Variants in ADCK1 observed in about 807,000 individuals in gnomAD.
ADCK1 encodes aarF domain containing kinase 1, also known as aarF domain-containing protein kinase 1.
ADCK1 carries 41 observed loss-of-function variants against 52.3 expected under a neutral mutation model. The observed-to-expected ratio is 0.78, with a 90% confidence interval of 0.61 to 1.02. The LOEUF (loss-of-function observed/expected upper bound fraction) is 1.02, where lower values mean the gene tolerates loss of function less well. ADCK1 is among the 50% of genes least tolerant of loss of function. The pLI, the probability that ADCK1 is intolerant of heterozygous loss-of-function variation, is 0.00. For missense variants in ADCK1, 658 were observed against 679.5 expected (o/e 0.97, Z 0.35); for synonymous variants, 250 against 274.6 (o/e 0.91, Z 0.89).
At chr14:77,853,134 T>C (rs1179939615) in intron 3 of ADCK1, among the ~76,000 whole-genome samples, 3 of 151,146 alleles carry the variant, frequency 2.0e-5, no homozygotes, top group Non-Finnish European at 4.4e-5. Context: ...ACATTTTTCA[T>C]CTCTAAAAGT....
chr14:77,827,189 T>A, intron 3 of ADCK1, among the ~76,000 whole-genome samples: 2 of 140,028 alleles, frequency 1.4e-5, no homozygotes, highest in African/African-American at 6.0e-5. Context: ...CTGTCTCTAC[T>A]AAAAATACAA....
chr14:77,845,475 T>A (rs2082156016), intron 3 of ADCK1, among the ~76,000 whole-genome samples: 1 of 152,096 alleles, frequency 6.6e-6, no homozygotes, highest in Non-Finnish European at 1.5e-5. Flanking sequence ...TAGGCTGGAG[T>A]GCAGTGGCAC....
intron 5 of ADCK1, among the ~76,000 whole-genome samples, chr14:77,890,799 G>A (rs79898587): frequency 0.075 from 11,383 of 152,198 alleles, 543 homozygotes; most frequent in South Asian, 0.16. Flanking sequence ...ACTGTTTTCA[G>A]ATATTTAGCT....
chr14:77,911,226 C>G (rs959153663), intron 7 of ADCK1, among the ~76,000 whole-genome samples: 1 of 152,210 alleles, frequency 6.6e-6, no homozygotes, highest in African/African-American at 2.4e-5. Flanking sequence ...ACACAGCTAG[C>G]AGGGGTAGAA....
rs1366973404 is a variant in ADCK1, at chr14:77,933,539, T to C, written c.*148T>C. On this transcript the variant is annotated 3_prime_UTR_variant, in exon 11 of 11. Transcript: ENST00000238561. The stretch of plus-strand genomic sequence containing the variant: ...TCACCATCCTTCTCCTCCTTTGGAA[T>C]CCTCTCCGCACACTGTGGCCCTTGT... 7 of 937,314 alleles carry C rather than the reference T, an allele frequency of 7.5e-6. No homozygotes were observed. Among genetic ancestry groups the C allele is most frequent in the African/African-American group, 1.6e-5 (1 of 61,182 alleles). 58.1% of individuals were successfully genotyped at this position (937,314 alleles called of 1,614,324 possible).
At position 77,836,173 on chromosome 14, in the gene ADCK1, C is replaced by T. The variant is rs1379540070; in HGVS notation, c.219+13655C>T. ...CCCACAATCCCCACCCTTTCATGGG[C>T]TCTCTGACTCTTCTACCTTCCATTA... On this transcript the variant is annotated intron_variant, in intron 3 of 10. Transcript: ENST00000238561. Among the ~76,000 whole-genome samples the T allele has an allele frequency of 2.0e-5, 3 of 152,208 alleles. No homozygotes were observed. In the East Asian group the frequency reaches 5.8e-4, roughly 29 times the overall value.
At chr14:77,895,893 G>A (rs1023825754) in intron 5 of ADCK1, among the ~76,000 whole-genome samples, 6 of 152,062 alleles carry the variant, frequency 3.9e-5, no homozygotes, top group African/African-American at 1.4e-4. Context: ...CTCCTATAAA[G>A]GGGATGGTGA....
intron 4 of ADCK1, among the ~76,000 whole-genome samples, chr14:77,862,501 C>T (rs1051786047): frequency 5.3e-5 from 8 of 152,298 alleles, no homozygotes; most frequent in East Asian, 1.9e-4. Flanking sequence ...GGGCATGGTT[C>T]GTGCTGTTGA....
At chr14:77,805,824 C>T (rs1002135762) in intron 1 of ADCK1, among the ~76,000 whole-genome samples, 1 of 151,940 alleles carries the variant, frequency 6.6e-6, no homozygotes, top group Admixed American at 6.6e-5. Context: ...ACCTCCCAAT[C>T]TTAGGTTCTA....
chr14:77,883,711 G>A (rs1192879953), intron 4 of ADCK1, among the ~76,000 whole-genome samples: 2 of 152,142 alleles, frequency 1.3e-5, no homozygotes, highest in East Asian at 3.9e-4. Flanking sequence ...AGGTGGTGGG[G>A]TGGGGTGTCT....
intron 4 of ADCK1, among the ~76,000 whole-genome samples, chr14:77,879,152 C>T (rs1328152602): frequency 3.3e-5 from 5 of 152,102 alleles, no homozygotes; most frequent in Admixed American, 3.3e-4. Context: ...AGCTGGAGGG[C>T]CCAAGGTTCC....
intron 8 of ADCK1, 64 bp from the exon 9 acceptor site, chr14:77,925,700 C>A: frequency 6.5e-7 from 1 of 1,544,300 alleles, no homozygotes; most frequent in Non-Finnish European, 8.9e-7. Context: ...TGGCATCAGC[C>A]AGGGACTTGG....
intron 1 of ADCK1, 22 bp from the exon 2 acceptor site, chr14:77,818,946 T>A: frequency 6.2e-7 from 1 of 1,609,154 alleles, no homozygotes; most frequent in Admixed American, 1.7e-5. Context: ...CTATTCTTTC[T>A]CAACTTTCCT....
In ADCK1 at chr14:77,933,211, T is replaced by C; in HGVS notation, c.1401-9T>C. 6.2e-7 allele frequency: 1 copy of C among 1,609,592 alleles called. No homozygotes were observed. The highest frequency in any genetic ancestry group is 1.3e-5 in the African/African-American group (1 of 74,890). On this transcript the variant is annotated splice_polypyrimidine_tract_variant and intron_variant, in intron 10 of 10. Coordinates refer to ENST00000238561, the MANE Select transcript of ADCK1 (RefSeq NM_020421.4). The stretch of plus-strand genomic sequence containing the variant: ...TCTCTTTTCTCCTTTTTTCTTTCCC[T>C]TTTTCCAGGCACAAGAAGAAGAATA...
intron 1 of ADCK1, among the ~76,000 whole-genome samples, chr14:77,807,360 G>A (rs1037553427): frequency 1.1e-4 from 16 of 151,756 alleles, no homozygotes; most frequent in Non-Finnish European, 1.2e-4. Context: ...GAGCCACCGC[G>A]CCCGGCCTGG....
intron 1 of ADCK1, among the ~76,000 whole-genome samples, chr14:77,801,662 G>C (rs1329763704): frequency 6.6e-6 from 1 of 152,124 alleles, no homozygotes; most frequent in East Asian, 1.9e-4. Flanking sequence ...AGTTGGGGCC[G>C]GGTGCGGTGG....
Position 77,889,446 on chromosome 14 carries a change from G to A in ADCK1, c.582+2197G>A, listed in dbSNP as rs185738233. Reference sequence around the variant, plus strand: ...CTTGGAAAGCTAAACTATAGAGAAGGGGGACAACTATTTATCAGTCAGGGT... The same window carrying A: ...CTTGGAAAGCTAAACTATAGAGAAGAGGGACAACTATTTATCAGTCAGGGT... On this transcript the variant is annotated intron_variant, in intron 5 of 10. Coordinates refer to ENST00000238561, the MANE Select transcript of ADCK1 (RefSeq NM_020421.4). Among the ~76,000 whole-genome samples, 3 of 152,300 alleles carry A rather than the reference G, an allele frequency of 2.0e-5. No individual in the cohort carries two copies. The South Asian group carries it at 6.2e-4, about 32-fold the overall frequency.
chr14:77,805,728 G>A (rs1415735993), intron 1 of ADCK1, among the ~76,000 whole-genome samples: 1 of 152,092 alleles, frequency 6.6e-6, no homozygotes, highest in African/African-American at 2.4e-5. Context: ...GGGGAAAGTG[G>A]TAGGGCATGA....
chr14:77,911,678 ATGT>A (rs906184550), intron 7 of ADCK1, among the ~76,000 whole-genome samples: 18 of 151,598 alleles, frequency 1.2e-4, no homozygotes, highest in African/African-American at 3.2e-4. Flanking sequence ...AGTGAGATGA[ATGT>A]TGTTGTTGTT....
Sources: allele counts gnomAD v4.1 joint callset (sites outside exome capture counted in the v4.1 genomes callset), GRCh38; gene constraint gnomAD v4.1.1; transcripts MANE v1.5; gene names NCBI Gene and HGNC (gene_info 2026-07-23, HGNC 2026-07-21).